The following PTPRK variants were observed in gnomAD, a reference collection of about 807,000 sequenced individuals.
PTPRK encodes the protein receptor-type tyrosine-protein phosphatase kappa.
In PTPRK, 75 loss-of-function variants were observed where a neutral mutation model predicts 178.0. That is an observed-to-expected ratio of 0.42 (90% CI 0.35 to 0.51). The LOEUF is 0.51. Among genes scored for constraint, PTPRK ranks in the 20% least tolerant of loss-of-function variants. The pLI is 0.02. For synonymous variants in PTPRK, 637 were observed against 620.6 expected, an observed-to-expected ratio of 1.03 and a Z score of -0.39; for missense variants, 1,441 against 1,797.8, an observed-to-expected ratio of 0.80 and a Z score of 3.59.
intron 13 of PTPRK, among the ~76,000 whole-genome samples, chr6:128,043,895 T>C (rs182389924): frequency 6.6e-6 from 1 of 152,054 alleles, no homozygotes. Context: ...GACACATTTG[T>C]GTATTTAAGC....
At chr6:128,508,253 T>G (rs1295436875) in intron 1 of PTPRK, among the ~76,000 whole-genome samples, 2 of 152,102 alleles carry the variant, frequency 1.3e-5, no homozygotes, top group Non-Finnish European at 2.9e-5. Context: ...CTGGGACAAG[T>G]CACTGCTGGC....
At chr6:128,376,833 G>T (rs1231884140) in intron 2 of PTPRK, among the ~76,000 whole-genome samples, 1 of 152,124 alleles carries the variant, frequency 6.6e-6, no homozygotes, top group Non-Finnish European at 1.5e-5. Context: ...AATCTCTAGG[G>T]CAGGGGCATA....
At chr6:128,322,459 A>G (rs1220345906) in intron 2 of PTPRK, 149 bp from the exon 3 acceptor site, 2 of 725,340 alleles carry the variant, frequency 2.8e-6, no homozygotes, top group Non-Finnish European at 4.5e-6. Context: ...CATCAATCAA[A>G]TAAGTAGATG....
intron 1 of PTPRK, among the ~76,000 whole-genome samples, chr6:128,449,115 C>T (rs1191716263): frequency 1.3e-5 from 2 of 152,136 alleles, no homozygotes; most frequent in Non-Finnish European, 2.9e-5. Context: ...CCGCCTCGGC[C>T]TCCCAAAGTG....
chr6:128,089,580 A>G (rs1415929010), intron 8 of PTPRK, 110 bp downstream of exon 8: 4 of 1,163,506 alleles, frequency 3.4e-6, no homozygotes, highest in East Asian at 2.4e-5. Flanking sequence ...TAACATTTAG[A>G]TGATTTCAGA....
chr6:128,037,488 G>C (rs1271864224), intron 13 of PTPRK, among the ~76,000 whole-genome samples: 1 of 152,172 alleles, frequency 6.6e-6, no homozygotes, highest in Non-Finnish European at 1.5e-5. Flanking sequence ...TGCCTATCAA[G>C]ATTTAAGAAT....
intron 7 of PTPRK, among the ~76,000 whole-genome samples, chr6:128,183,332 A>G (rs1802238924): frequency 2.0e-5 from 3 of 152,168 alleles, no homozygotes; most frequent in Non-Finnish European, 4.4e-5. Flanking sequence ...GCAAATTGTG[A>G]GATTTAGGCT....
At chr6:128,236,645 C>G (rs374449611) in intron 5 of PTPRK, among the ~76,000 whole-genome samples, 1 of 152,102 alleles carries the variant, frequency 6.6e-6, no homozygotes, top group Non-Finnish European at 1.5e-5. Flanking sequence ...CTGCGCCCGA[C>G]CCTAAATTTC....
intron 6 of PTPRK, among the ~76,000 whole-genome samples, chr6:128,210,550 A>C (rs1444251664): frequency 6.6e-6 from 1 of 152,126 alleles, no homozygotes; most frequent in African/African-American, 2.4e-5. Context: ...AAAGAGCAGG[A>C]AGTCTAATGC....
chr6:127,998,654 A>C, intron 16 of PTPRK, 66 bp downstream of exon 16: 1 of 1,367,268 alleles, frequency 7.3e-7, no homozygotes, highest in Non-Finnish European at 9.9e-7. Context: ...GAGGGAAAAA[A>C]ATGCTAAATT....
At chr6:128,017,104 T>C (rs918145448) in intron 13 of PTPRK, among the ~76,000 whole-genome samples, 2 of 152,016 alleles carry the variant, frequency 1.3e-5, no homozygotes, top group Non-Finnish European at 2.9e-5. Context: ...TTCTAGCTAA[T>C]AAATTATCTC....
At chr6:128,004,407 C>T (rs995372790) in intron 15 of PTPRK, among the ~76,000 whole-genome samples, 2 of 151,744 alleles carry the variant, frequency 1.3e-5, no homozygotes, top group Non-Finnish European at 2.9e-5. Flanking sequence ...TTATTAAAAT[C>T]ATCTGCTTTT....
intron 1 of PTPRK, among the ~76,000 whole-genome samples, chr6:128,449,914 G>C (rs562783370): frequency 1.4e-4 from 21 of 148,258 alleles, no homozygotes; most frequent in Non-Finnish European, 3.1e-4. Flanking sequence ...TGGCCAACGT[G>C]GTGAAGCCCC....
At chr6:128,000,320 A>AT (rs1323885903) in intron 15 of PTPRK, 2 of 1,296,698 alleles carry the variant, frequency 1.5e-6, no homozygotes, top group Non-Finnish European at 2.0e-6. Context: ...CATGATAAAC[A>AT]TTTTTTCTTC....
At chr6:128,093,292 C>T (rs1787302426) in intron 7 of PTPRK, among the ~76,000 whole-genome samples, 2 of 151,648 alleles carry the variant, frequency 1.3e-5, no homozygotes, top group Admixed American at 1.3e-4. Flanking sequence ...TTATCAGAAA[C>T]TTGGAAGGAA....
intron 1 of PTPRK, among the ~76,000 whole-genome samples, chr6:128,431,193 T>G (rs1844797472): frequency 6.6e-6 from 1 of 151,754 alleles, no homozygotes; most frequent in Non-Finnish European, 1.5e-5. Flanking sequence ...CCACCTCGGC[T>G]TCCTAAAGTG....
Position 128,399,309 on chromosome 6 carries a change from C to T in PTPRK, c.101-1621G>A, listed in dbSNP as rs577547361. Among the ~76,000 whole-genome samples the T allele has an allele frequency of 2.6e-5, 4 of 152,312 alleles. No individual in the cohort carries two copies. In the South Asian group the frequency reaches 6.2e-4, roughly 24 times the overall value. On this transcript the variant is annotated intron_variant, in intron 1 of 29. Transcript: ENST00000368226. Reference sequence around the variant, plus strand: ...TCAGTGTCACAGGCAAAGCAGGAGACATCAGAGATGTCATGGTGGCACTAC... The same window carrying T: ...TCAGTGTCACAGGCAAAGCAGGAGATATCAGAGATGTCATGGTGGCACTAC...
At chr6:128,516,613 T>C (rs1187921109) in intron 1 of PTPRK, among the ~76,000 whole-genome samples, 1 of 152,194 alleles carries the variant, frequency 6.6e-6, no homozygotes, top group Non-Finnish European at 1.5e-5. Context: ...AGGAGTCAGA[T>C]ACTGCTCAGG....
At chr6:128,151,846 A>G (rs1255257698) in intron 7 of PTPRK, among the ~76,000 whole-genome samples, 1 of 152,058 alleles carries the variant, frequency 6.6e-6, no homozygotes, top group Admixed American at 6.6e-5. Flanking sequence ...CAATTCTTTG[A>G]AACTTTCACT....
Sources: gnomAD v4.1 joint callset for allele counts (sites outside exome capture counted in the v4.1 genomes callset) on GRCh38, gnomAD v4.1.1 for gene constraint, MANE v1.5 for transcripts, NCBI Gene and HGNC (gene_info 2026-07-23, HGNC 2026-07-21) for gene names.